Variants in CEP97 observed in about 807,000 individuals in gnomAD.
CEP97 encodes the protein centrosomal protein of 97 kDa.
A neutral mutation model predicts 73.1 loss-of-function variants in CEP97; 43 were observed. That is an observed-to-expected ratio of 0.59 (90% CI 0.46 to 0.76). The LOEUF is 0.76. Ranked by LOEUF, CEP97 falls within the 30% of genes least tolerant of loss-of-function variation. The pLI is 0.00. For synonymous variants in CEP97, 337 were observed against 370.0 expected, an observed-to-expected ratio of 0.91 and a Z score of 1.02; for missense variants, 939 against 1,014.0, an observed-to-expected ratio of 0.93 and a Z score of 1.00.
intron 6 of CEP97, among the ~76,000 whole-genome samples, chr3:101,746,868 G>C (rs1186068507): frequency 6.7e-6 from 1 of 148,774 alleles, no homozygotes; most frequent in African/African-American, 2.5e-5. Flanking sequence ...AGTGGGCAAA[G>C]GACATGAACA....
At chr3:101,750,032 G>T (rs2107170195) in intron 6 of CEP97, among the ~76,000 whole-genome samples, 1 of 137,104 alleles carries the variant, frequency 7.3e-6, no homozygotes, top group East Asian at 2.1e-4. Context: ...GTCTTCTGTT[G>T]CCATTGCTTT....
rs1406439150 is a variant in CEP97, at chr3:101,730,256, GTTTTGTTTTGTT to G, written c.447+1322_447+1333del. Among the ~76,000 whole-genome samples, 566 of 150,452 alleles carry G rather than the reference GTTTTGTTTTGTT, an allele frequency of 3.8e-3. 2 individuals are homozygous for G. Among genetic ancestry groups the G allele is most frequent in the Middle Eastern group, 0.021 (6 of 292 alleles). On this transcript the variant is annotated intron_variant, in intron 4 of 10. Transcript: ENST00000341893. ...TTTTTGTTTTGTTTTGTTTTGTTTT[GTTTTGTTTTGTT>G]TTGTTTTGTTTTGTTGAGACGGAGT...
At chr3:101,764,819 T>C in intron 10 of CEP97, 28 bp from the exon 11 acceptor site, 2 of 1,540,902 alleles carry the variant, frequency 1.3e-6, no homozygotes, top group South Asian at 2.5e-5. Context: ...TTTTATTTTA[T>C]AATACAACTG....
intron 4 of CEP97, among the ~76,000 whole-genome samples, chr3:101,730,574 ATT>A (rs11293857): frequency 1.2e-3 from 175 of 144,454 alleles, no homozygotes; most frequent in Middle Eastern, 3.5e-3. Context: ...CCAAGTCTGG[ATT>A]TTTTTTTTTT....
chr3:101,762,609 C>T (rs1270528204), intron 10 of CEP97, 49 bp downstream of exon 10: 5 of 1,369,608 alleles, frequency 3.7e-6, no homozygotes, highest in Non-Finnish European at 5.1e-6. Flanking sequence ...AATACAGATT[C>T]TATATTCATT....
chr3:101,749,565 G>A lies in CEP97; in HGVS notation c.729-5865G>A, dbSNP rs1294952056. On this transcript the variant is annotated intron_variant, in intron 6 of 10. Coordinates refer to ENST00000341893, the MANE Select transcript of CEP97 (RefSeq NM_024548.4). Reference sequence around the variant, plus strand: ...TCTAGTTCTAGATTCCTGAGGAATCGCCACACTGACTTCCACAATGGTTGA... The same window carrying A: ...TCTAGTTCTAGATTCCTGAGGAATCACCACACTGACTTCCACAATGGTTGA... Among the ~76,000 whole-genome samples, 615 of 130,288 alleles carry A rather than the reference G, an allele frequency of 4.7e-3. 7 individuals are homozygous for A. Among genetic ancestry groups the A allele is most frequent in the African/African-American group, 0.017 (585 of 34,238 alleles). 85.5% of individuals were successfully genotyped at this position (130,288 alleles called of 152,430 possible). A position where few individuals can be genotyped will look rare whatever the true frequency, so the allele number is the denominator to read the frequency against.
At chr3:101,732,447 T>C in intron 5 of CEP97, 41 bp from the exon 6 acceptor site, 1 of 1,467,696 alleles carries the variant, frequency 6.8e-7, no homozygotes, top group Non-Finnish European at 9.4e-7. Context: ...TGCTTGACAC[T>C]GAATAGTCCT....
rs1339400915 is a variant in CEP97 at position 101,766,516 on chromosome 3, A to G, written c.*965A>G. The G allele has an allele frequency of 6.6e-6, 1 of 152,560 alleles. No homozygotes were observed. Among genetic ancestry groups the G allele is most frequent in the Non-Finnish European group, 1.5e-5 (1 of 68,024 alleles). The allele number at this position is 152,560 out of a possible 1,614,324, so 9.5% of individuals were successfully genotyped here. ...AGTGAAGAACATTTAAAGTAATACT[A>G]CTGGTCGAATATGAATGACTTTTTA... On this transcript the variant is annotated 3_prime_UTR_variant, in exon 11 of 11. Coordinates refer to ENST00000341893, the MANE Select transcript of CEP97 (RefSeq NM_024548.4).
chr3:101,744,079 G>A (rs969301372), intron 6 of CEP97, among the ~76,000 whole-genome samples: 4 of 151,620 alleles, frequency 2.6e-5, no homozygotes, highest in African/African-American at 9.7e-5. Flanking sequence ...TCTAGGGGAC[G>A]ATAAATGGTA....
chr3:101,757,816 AC>A lies in CEP97; in HGVS notation c.1211del (p.Thr404IlefsTer18), dbSNP rs762702753. 5 of 1,614,132 alleles carry A rather than the reference AC, an allele frequency of 3.1e-6. No individual in the cohort carries two copies. The stretch of plus-strand genomic sequence containing the variant: ...CTGTAGTCTTCTCTCTTCAGAGTCT[AC>A]TTTTATGCCAGTTGCATCAGGACTG... ...LNCSLLSSES[T>X]FMPVASGLSP... On this transcript the variant is annotated frameshift_variant, in exon 9 of 11. Transcript: ENST00000341893. LOFTEE classifies it high-confidence loss of function.
chr3:101,740,310 A>T (rs1348578798), intron 6 of CEP97, among the ~76,000 whole-genome samples: 3 of 152,206 alleles, frequency 2.0e-5, no homozygotes, highest in African/African-American at 7.2e-5. Context: ...CAAAAATCAC[A>T]AGCATTCCTA....
intron 6 of CEP97, among the ~76,000 whole-genome samples, chr3:101,746,775 C>T (rs1410061404): frequency 3.9e-5 from 6 of 152,086 alleles, no homozygotes; most frequent in African/African-American, 1.4e-4. Flanking sequence ...TTGCAACCTA[C>T]TCACCTGACA....
At position 101,765,554 on chromosome 3, in the gene CEP97, T is replaced by G. The variant is rs201988050; in HGVS notation, c.*3T>G. On this transcript the variant is annotated 3_prime_UTR_variant, in exon 11 of 11. Coordinates refer to ENST00000341893, the MANE Select transcript of CEP97 (RefSeq NM_024548.4). ...TGCATGTTGGTGTTACTGTGTAGCATGTCTTTTGGGAGGCAGATATCCACT... is the reference window on the plus strand; with the variant it reads ...TGCATGTTGGTGTTACTGTGTAGCAGGTCTTTTGGGAGGCAGATATCCACT... The G allele has an allele frequency of 6.3e-7, 1 of 1,589,700 alleles. No individual in the cohort carries two copies. The highest frequency in any genetic ancestry group is 1.1e-5 in the South Asian group (1 of 88,586).
At chr3:101,738,050 A>G (rs1428559247) in intron 6 of CEP97, among the ~76,000 whole-genome samples, 2 of 150,740 alleles carry the variant, frequency 1.3e-5, no homozygotes, top group Non-Finnish European at 3.0e-5. Flanking sequence ...GGTTACAATC[A>G]TAGTCTCTGA....
chr3:101,750,896 T>C (rs1002490806), intron 6 of CEP97, among the ~76,000 whole-genome samples: 1 of 152,218 alleles, frequency 6.6e-6, no homozygotes, highest in African/African-American at 2.4e-5. Context: ...GAAGGGTTTT[T>C]TGTGTCTCTA....
Position 101,757,889 on chromosome 3 carries a change from T to G in CEP97, c.1283T>G (p.Leu428Trp). Residue 428 changes from leucine (L) to tryptophan (W), a missense_variant, in exon 9 of 11, where the codon TTG becomes TGG. Leu to Trp is a moderately conservative substitution (Grantham distance 61). Transcript: ENST00000341893. ...GAGCTGAGGCTGCAGGGCATTAACT[T>G]GGGCCTAGAAGATGATGGTGTTGCA... ...TVELRLQGIN[L>W]GLEDDGVADE... 1 of 1,614,222 alleles carries G rather than the reference T, an allele frequency of 6.2e-7. No homozygotes were observed.
intron 6 of CEP97, among the ~76,000 whole-genome samples, chr3:101,752,320 C>A (rs1004084873): frequency 3.9e-5 from 6 of 152,084 alleles, no homozygotes; most frequent in African/African-American, 7.2e-5. Flanking sequence ...CTCTGGCTGC[C>A]CTTAACATTT....
In CEP97 at chr3:101,758,395, A is replaced by C; in HGVS notation, c.1789A>C (p.Ile597Leu). The change falls in exon 9 of 11, where the codon ATT (isoleucine) becomes CTT (leucine). Residue 597 changes from isoleucine to leucine, a missense_variant. Transcript: ENST00000341893. The part of the protein sequence containing the change: ...EIRLRRMQEH[I>L]VCLTDEIRRL... Reference sequence around the variant, plus strand: ...CCGGCTACGCAGAATGCAAGAGCACATTGTCTGCTTAACTGATGAAATAAG... The same window carrying C: ...CCGGCTACGCAGAATGCAAGAGCACCTTGTCTGCTTAACTGATGAAATAAG... 1 of 1,614,144 alleles carries C rather than the reference A, an allele frequency of 6.2e-7. No individual in the cohort carries two copies. Among genetic ancestry groups the C allele is most frequent in the Non-Finnish European group, 8.5e-7 (1 of 1,180,030 alleles).
chr3:101,734,038 C>A (rs2107139143), intron 6 of CEP97, among the ~76,000 whole-genome samples: 1 of 151,168 alleles, frequency 6.6e-6, no homozygotes, highest in South Asian at 2.1e-4. Context: ...GTTGTTTAGG[C>A]TGGTCTCAAA....
Sources: allele counts gnomAD v4.1 joint callset (sites outside exome capture counted in the v4.1 genomes callset), GRCh38; gene constraint gnomAD v4.1.1; transcripts MANE v1.5; gene names NCBI Gene and HGNC (gene_info 2026-07-23, HGNC 2026-07-21).